The following PACS2 variants were observed in gnomAD, a reference collection of about 807,000 sequenced individuals.
PACS2 encodes the protein PACS1-like protein.
A neutral mutation model predicts 113.0 loss-of-function variants in PACS2; 36 were observed. That is an observed-to-expected ratio of 0.32 (90% CI 0.24 to 0.42). The LOEUF (loss-of-function observed/expected upper bound fraction) is 0.42, where lower values mean the gene tolerates loss of function less well. Ranked by LOEUF, PACS2 falls within the 10% of genes least tolerant of loss-of-function variation. The pLI is 1.00. For synonymous variants in PACS2, 589 were observed against 536.1 expected (o/e 1.10, Z -1.36); for missense variants, 1,015 against 1,239.5 (o/e 0.82, Z 2.72).
Position 105,358,457 on chromosome 14 carries a change from GCT to G in PACS2, c.423+3284_423+3285del, listed in dbSNP as rs1566937009. On this transcript the variant is annotated intron_variant, in intron 4 of 24. Coordinates refer to ENST00000447393, the MANE Select transcript of PACS2 (RefSeq NM_001100913.3). The surrounding 1 kb of genome is among the most constrained non-coding windows in gnomAD (Gnocchi z 4.9). Reference sequence around the variant, plus strand: ...ACGTGGGGCCTTCTCCTGTGGTGTGGCTCTCAGAACTCACCCCAGCACCCGTA... The same window carrying G: ...ACGTGGGGCCTTCTCCTGTGGTGTGGCTCAGAACTCACCCCAGCACCCGTA... Among the ~76,000 whole-genome samples, 1 of 152,190 alleles carries G rather than the reference GCT, an allele frequency of 6.6e-6. No individual in the cohort carries two copies. Among genetic ancestry groups the G allele is most frequent in the East Asian group, 1.9e-4 (1 of 5,190 alleles).
In PACS2 at chr14:105,368,395, T is replaced by C. The variant is rs587646885; in HGVS notation, c.661-64T>C. 2.0e-4 allele frequency: 255 copies of C among 1,299,624 alleles called. 2 individuals carry two copies. The Middle Eastern group carries it at 2.4e-3, about 12-fold the overall frequency. 80.5% of individuals were successfully genotyped at this position (1,299,624 alleles called of 1,614,324 possible). On this transcript the variant is annotated intron_variant, in intron 6 of 24. Transcript: ENST00000447393. ...CCTCTCCCATCGCCCACGCTGAGGC[T>C]GGCAGGGTCCTGCCAGCACTATGCA...
intron 9 of PACS2, among the ~76,000 whole-genome samples, chr14:105,379,385 G>A (rs982774812): frequency 4.7e-4 from 72 of 152,376 alleles, no homozygotes; most frequent in African/African-American, 1.7e-3. Flanking sequence ...GGATTGGCCA[G>A]TGGAGCTCTC....
In PACS2 at chr14:105,380,866, C is replaced by A. The variant is rs2080966718; in HGVS notation, c.1126-91C>A. 5.3e-6 allele frequency: 7 copies of A among 1,316,820 alleles called. No individual in the cohort carries two copies. In the Admixed American group the frequency reaches 7.1e-5, roughly 13 times the overall value. The allele number at this position is 1,316,820 out of a possible 1,614,324, so 81.6% of individuals were successfully genotyped here. ...GAGCCACGGCCTAGAGAGGCCTAAA[C>A]CCTCACCCGAGCCAGAGGCCACAGG... On this transcript the variant is annotated intron_variant, in intron 11 of 24. Coordinates refer to ENST00000447393, the MANE Select transcript of PACS2 (RefSeq NM_001100913.3).
chr14:105,351,676 C>T (rs2060185961), intron 2 of PACS2, among the ~76,000 whole-genome samples: 1 of 152,156 alleles, frequency 6.6e-6, no homozygotes, highest in East Asian at 1.9e-4. Flanking sequence ...TGTCTCTTAA[C>T]AAAATACAAA....
In PACS2 at chr14:105,383,908, C is replaced by G. The variant is rs76350803; in HGVS notation, c.1780+395C>G. The G allele has an allele frequency of 1.1e-3, 294 of 270,630 alleles. 3 individuals are homozygous for G. Among genetic ancestry groups the G allele is most frequent in the Admixed American group, 6.7e-3 (135 of 20,100 alleles). 16.8% of individuals were successfully genotyped at this position (270,630 alleles called of 1,614,324 possible). ...GGGCTCGTTATTAATCCTCTCAAAT[C>G]GTCCAGGTCCTGTGTCGTCGAACTC... On this transcript the variant is annotated intron_variant, in intron 16 of 24. Coordinates refer to ENST00000447393, the MANE Select transcript of PACS2 (RefSeq NM_001100913.3).
Position 105,394,850 on chromosome 14 carries a change from A to G in PACS2, c.*178A>G. 1.7e-6 allele frequency: 1 copy of G among 601,752 alleles called. No individual in the cohort carries two copies. Among genetic ancestry groups the G allele is most frequent in the East Asian group, 2.8e-5 (1 of 35,370 alleles). 37.3% of individuals were successfully genotyped at this position (601,752 alleles called of 1,614,324 possible). On this transcript the variant is annotated 3_prime_UTR_variant, in exon 25 of 25. Coordinates refer to ENST00000447393, the MANE Select transcript of PACS2 (RefSeq NM_001100913.3). The stretch of plus-strand genomic sequence containing the variant: ...GGGGAGCTCCTGCCAGGAGCCGAAT[A>G]ACTGCTCTGCTTATTAACCCGAACG...
chr14:105,384,532 G>A, intron 17 of PACS2, 69 bp downstream of exon 17: 6 of 948,924 alleles, frequency 6.3e-6, no homozygotes, highest in South Asian at 4.2e-5. Flanking sequence ...CCCAGATGCT[G>A]TGCCCAGGAG....
chr14:105,383,615 CGTGGCGCGGTGTGTCGTGGT>C (rs1188317105), intron 16 of PACS2, 102 bp downstream of exon 16: 101 of 1,162,180 alleles, frequency 8.7e-5, no homozygotes, highest in Admixed American at 1.8e-4. Flanking sequence ...TGTGGCGTGG[CGTGGCGCGGTGTGTCGTGGT>C]GTGGCGCGGT....
intron 1 of PACS2, among the ~76,000 whole-genome samples, chr14:105,307,044 C>CT: frequency 6.6e-6 from 1 of 151,638 alleles, no homozygotes; most frequent in South Asian, 2.1e-4. Flanking sequence ...TTTATTTTTT[C>CT]TTTTTTTCTT....
chr14:105,326,018 G>A (rs1439911691), intron 1 of PACS2, among the ~76,000 whole-genome samples: 2 of 152,262 alleles, frequency 1.3e-5, no homozygotes, highest in African/African-American at 4.8e-5. Context: ...ATTTCCCAGT[G>A]TAATTCTGTA....
chr14:105,339,278 G>T (rs1208904134), intron 1 of PACS2, among the ~76,000 whole-genome samples: 1 of 152,128 alleles, frequency 6.6e-6, no homozygotes, highest in African/African-American at 2.4e-5. Context: ...AGGTCAAGGT[G>T]GGGGGACCAC....
At position 105,382,816 on chromosome 14, in the gene PACS2, G is replaced by A. The variant is rs782301844; in HGVS notation, c.1528G>A (p.Asp510Asn). The change falls in exon 15 of 25, where the codon GAC becomes AAC. Residue 510 changes from aspartate (D) to asparagine (N), a missense_variant. Coordinates refer to ENST00000447393, the MANE Select transcript of PACS2 (RefSeq NM_001100913.3). ...GCCTGTCTTCTGCCAGTTCCTCTCC[G>A]ACGTCCTGCAGAGGCACACGCTCCC... Reference protein sequence around the residue: ...TSDWQGQFLSDVLQRHTLPVV... With the variant: ...TSDWQGQFLSNVLQRHTLPVV... 1.1e-4 allele frequency: 177 copies of A among 1,594,990 alleles called. 4 individuals are homozygous for A. The South Asian group carries it at 1.4e-3, about 13-fold the overall frequency.
chr14:105,310,952 A>C (rs911464385), upstream of PACS2, among the ~76,000 whole-genome samples: 13 of 152,132 alleles, frequency 8.5e-5, no homozygotes, highest in Non-Finnish European at 2.9e-5. Context: ...GCATTTTCAC[A>C]TACATTTTTG....
At chr14:105,390,752 G>T (rs185127580) in intron 20 of PACS2, 300 of 196,202 alleles carry the variant, frequency 1.5e-3, no homozygotes, top group African/African-American at 6.7e-3. Context: ...AGCTTTCTCC[G>T]GTGACAAGAG....
intron 13 of PACS2, among the ~76,000 whole-genome samples, chr14:105,382,271 C>T (rs1338688435): frequency 1.2e-4 from 19 of 152,210 alleles, no homozygotes; most frequent in African/African-American, 4.3e-4. Context: ...AAGTTCTAGT[C>T]CTTCTGCTGC....
At chr14:105,381,210 C>G in intron 12 of PACS2, 111 bp downstream of exon 12, 1 of 859,164 alleles carries the variant, frequency 1.2e-6, no homozygotes, top group Non-Finnish European at 1.8e-6. Flanking sequence ...TGAGCTCCCT[C>G]GGGTGTAGAC....
rs782063559 is a variant in PACS2, at chr14:105,355,093, C to G, written c.339C>G (p.Ile113Met). Reference sequence around the variant, plus strand: ...AGAGGGAAGGCAACAAGCTTCAGATCATGCTGCAGCGCAGAAAGCGCTACA... The same window carrying G: ...AGAGGGAAGGCAACAAGCTTCAGATGATGCTGCAGCGCAGAAAGCGCTACA... ...FLKREGNKLQ[I>M]MLQRRKRYKN... Residue 113 changes from isoleucine (I) to methionine (M), a missense_variant, in exon 4 of 25, where the codon ATC becomes ATG. Physicochemically the swap from Ile to Met is conservative, Grantham distance 10 (BLOSUM62 1). Coordinates refer to ENST00000447393, the MANE Select transcript of PACS2 (RefSeq NM_001100913.3). This position sits in a 1 kb window ranked among gnomAD's most constrained non-coding sequence, Gnocchi z 4.1. 3 of 1,613,544 alleles carry G rather than the reference C, an allele frequency of 1.9e-6. No individual in the cohort carries two copies. Among genetic ancestry groups the G allele is most frequent in the Non-Finnish European group, 2.5e-6 (3 of 1,179,812 alleles).
rs1427703322 is a variant in PACS2, at chr14:105,323,902, C to T, written c.119+8865C>T. ...TGGGGATTCGGAGGACCTGGCCCATCGCCGTGGCCTGCACGGTGCGTGCAC... is the reference window on the plus strand; with the variant it reads ...TGGGGATTCGGAGGACCTGGCCCATTGCCGTGGCCTGCACGGTGCGTGCAC... On this transcript the variant is annotated intron_variant, in intron 1 of 24. Coordinates refer to ENST00000447393, the MANE Select transcript of PACS2 (RefSeq NM_001100913.3). The surrounding 1 kb of genome is among the most constrained non-coding windows in gnomAD (Gnocchi z 4.1). 2.0e-5 allele frequency among the ~76,000 whole-genome samples: 3 copies of T among 152,232 alleles called. No homozygotes were observed. The highest frequency in any genetic ancestry group is 6.5e-5 in the Admixed American group (1 of 15,286).
In PACS2 at chr14:105,357,354, G is replaced by T. The variant is rs2060493891; in HGVS notation, c.423+2177G>T. On this transcript the variant is annotated intron_variant, in intron 4 of 24. Coordinates refer to ENST00000447393, the MANE Select transcript of PACS2 (RefSeq NM_001100913.3). The surrounding 1 kb of genome is among the most constrained non-coding windows in gnomAD (Gnocchi z 5.1). The stretch of plus-strand genomic sequence containing the variant: ...TCTTGGCAGAAAAGCCCCACCCCTG[G>T]ATGTAGTTCCAGTGCCCTGCCCCTG... Among the ~76,000 whole-genome samples, 2 of 151,882 alleles carry T rather than the reference G, an allele frequency of 1.3e-5. No individual in the cohort carries two copies. The highest frequency in any genetic ancestry group is 4.8e-5 in the African/African-American group (2 of 41,322).
Sources: gnomAD v4.1 joint callset for allele counts (sites outside exome capture counted in the v4.1 genomes callset) on GRCh38, gnomAD v4.1.1 for gene constraint, Gnocchi (gnomAD v3.1) non-coding constraint, MANE v1.5 for transcripts, NCBI Gene and HGNC (gene_info 2026-07-23, HGNC 2026-07-21) for gene names.